MAPK4: variants seen among roughly 807,000 people sequenced by gnomAD.
The protein encoded by MAPK4 is Erk3-related.
MAPK4 carries 22 observed loss-of-function variants against 47.7 expected under a neutral mutation model. The ratio of observed to expected loss-of-function variants is 0.46; its 90% CI spans 0.33 to 0.66. The LOEUF is 0.66. Among genes scored for constraint, MAPK4 ranks in the 30% least tolerant of loss-of-function variants. The pLI is 0.02. For missense variants in MAPK4, 736 were observed against 831.7 expected, an observed-to-expected ratio of 0.88 and a Z score of 1.42; for synonymous variants, 390 against 365.7, an observed-to-expected ratio of 1.07 and a Z score of -0.76.
At chr18:50,652,347 C>T (rs570881503) in intron 1 of MAPK4, among the ~76,000 whole-genome samples, 2 of 152,306 alleles carry the variant, frequency 1.3e-5, no homozygotes, top group African/African-American at 4.8e-5. Context: ...AAAACCCCTG[C>T]AAATGATTAG....
intron 1 of MAPK4, among the ~76,000 whole-genome samples, chr18:50,636,263 A>G (rs11082834): frequency 0.15 from 23,434 of 151,932 alleles, 1,950 homozygotes; most frequent in Middle Eastern, 0.22. Context: ...GTAAGTTCTT[A>G]CCTCCATCTG....
chr18:50,600,419 GC>G (rs1376860982), intron 1 of MAPK4, among the ~76,000 whole-genome samples: 1 of 152,174 alleles, frequency 6.6e-6, no homozygotes, highest in Non-Finnish European at 1.5e-5. Context: ...CTCAGAAGGG[GC>G]ACATGGCCCC....
rs140825724 is a variant in MAPK4, at chr18:50,586,256, A to C, written c.-871+26013A>C. Reference sequence around the variant, plus strand: ...GACATTAGTTTGTCAAAGCTATGTGATTTGGCTAGCTCAACTTAGCTAAGA... The same window carrying C: ...GACATTAGTTTGTCAAAGCTATGTGCTTTGGCTAGCTCAACTTAGCTAAGA... On this transcript the variant is annotated intron_variant, in intron 1 of 5. Coordinates refer to ENST00000400384, the MANE Select transcript of MAPK4 (RefSeq NM_002747.4). Among the ~76,000 whole-genome samples, 3 of 152,290 alleles carry C rather than the reference A, an allele frequency of 2.0e-5. No homozygotes were observed. The East Asian group carries it at 5.8e-4, about 29-fold the overall frequency.
intron 1 of MAPK4, among the ~76,000 whole-genome samples, chr18:50,561,506 T>C (rs1422467495): frequency 6.6e-6 from 1 of 152,240 alleles, no homozygotes; most frequent in African/African-American, 2.4e-5. Context: ...GAGTACCTAC[T>C]ATGTTCAAGA....
intron 2 of MAPK4, among the ~76,000 whole-genome samples, chr18:50,711,588 C>G (rs943363285): frequency 3.3e-5 from 5 of 152,230 alleles, no homozygotes; most frequent in African/African-American, 1.2e-4. Context: ...GCCAAGTGTG[C>G]CTGCTGTCCT....
At position 50,654,519 on chromosome 18, in the gene MAPK4, T is replaced by C. The variant is rs191836967; in HGVS notation, c.-870-8570T>C. Among the ~76,000 whole-genome samples, 14 of 152,318 alleles carry C rather than the reference T, an allele frequency of 9.2e-5. No homozygotes were observed. In the East Asian group the frequency reaches 2.7e-3, roughly 29 times the overall value. Reference sequence around the variant, plus strand: ...CCACTGAAGTCATAATTGCACTGATTTAGATTTTGAAAGAGGCCACCATCT... The same window carrying C: ...CCACTGAAGTCATAATTGCACTGATCTAGATTTTGAAAGAGGCCACCATCT... On this transcript the variant is annotated intron_variant, in intron 1 of 5. Transcript: ENST00000400384.
chr18:50,677,852 C>T (rs1394320757), intron 2 of MAPK4, among the ~76,000 whole-genome samples: 1 of 152,146 alleles, frequency 6.6e-6, no homozygotes, highest in African/African-American at 2.4e-5. Context: ...CCTGCACCTC[C>T]CAGGTCTATA....
intron 1 of MAPK4, among the ~76,000 whole-genome samples, chr18:50,628,404 T>C (rs1818856191): frequency 1.3e-5 from 2 of 152,168 alleles, no homozygotes; most frequent in South Asian, 4.1e-4. Context: ...TCCCTTGAAA[T>C]CCTTGCAGGG....
intron 1 of MAPK4, among the ~76,000 whole-genome samples, chr18:50,601,759 A>G (rs2042543971): frequency 6.6e-6 from 1 of 152,170 alleles, no homozygotes; most frequent in Non-Finnish European, 1.5e-5. Context: ...ATAGGCTTTC[A>G]AGCCCTGGAA....
At chr18:50,726,592 G>T (rs1455518128) in intron 5 of MAPK4, among the ~76,000 whole-genome samples, 4 of 152,108 alleles carry the variant, frequency 2.6e-5, no homozygotes, top group African/African-American at 9.7e-5. Context: ...TTTCATGTTG[G>T]TAACTCTTAA....
chr18:50,638,691 G>A (rs538069243), intron 1 of MAPK4, among the ~76,000 whole-genome samples: 2 of 152,276 alleles, frequency 1.3e-5, no homozygotes, highest in South Asian at 2.1e-4. Flanking sequence ...GAGTCTTTTC[G>A]GAGAGAGATG....
chr18:50,701,383 A>AT (rs1438322551), intron 2 of MAPK4, among the ~76,000 whole-genome samples: 1 of 152,186 alleles, frequency 6.6e-6, no homozygotes, highest in African/African-American at 2.4e-5. Flanking sequence ...TTTGAGAGCA[A>AT]TCTGTTAGCA....
chr18:50,706,504 G>T (rs1295965515), intron 2 of MAPK4, among the ~76,000 whole-genome samples: 1 of 151,422 alleles, frequency 6.6e-6, no homozygotes, highest in African/African-American at 2.4e-5. Context: ...CCTGTAGCAG[G>T]TCTGAGAGCC....
At position 50,602,310 on chromosome 18, in the gene MAPK4, A is replaced by G. The variant is rs1207906665; in HGVS notation, c.-871+42067A>G. Among the ~76,000 whole-genome samples, 3 of 152,170 alleles carry G rather than the reference A, an allele frequency of 2.0e-5. No homozygotes were observed. The East Asian group carries it at 5.8e-4, about 29-fold the overall frequency. ...CCTTCGCCTCCTCACAACAAGGTCT[A>G]TTCAATAGCCTATGAAACTGATCCA... On this transcript the variant is annotated intron_variant, in intron 1 of 5. Coordinates refer to ENST00000400384, the MANE Select transcript of MAPK4 (RefSeq NM_002747.4).
At chr18:50,702,847 G>T (rs16952426) in intron 2 of MAPK4, among the ~76,000 whole-genome samples, 1 of 152,082 alleles carries the variant, frequency 6.6e-6, no homozygotes, top group Non-Finnish European at 1.5e-5. Flanking sequence ...AAACAGGGCC[G>T]GACCTACTGG....
chr18:50,656,620 AG>A (rs2043112458), intron 1 of MAPK4, among the ~76,000 whole-genome samples: 2 of 152,210 alleles, frequency 1.3e-5, no homozygotes, highest in South Asian at 4.1e-4. Flanking sequence ...CCTGAAAACC[AG>A]GATCACTGGG....
At chr18:50,612,842 T>C (rs1374250248) in intron 1 of MAPK4, among the ~76,000 whole-genome samples, 5 of 152,222 alleles carry the variant, frequency 3.3e-5, no homozygotes, top group Non-Finnish European at 7.3e-5. Context: ...GGTTCCCATC[T>C]TGAGTGATTT....
chr18:50,616,068 G>A (rs2042681812), intron 1 of MAPK4, among the ~76,000 whole-genome samples: 1 of 152,184 alleles, frequency 6.6e-6, no homozygotes, highest in Non-Finnish European at 1.5e-5. Context: ...TGTCACTTCA[G>A]GTGTCGGGGA....
intron 2 of MAPK4, among the ~76,000 whole-genome samples, chr18:50,668,465 C>G (rs540360024): frequency 6.6e-6 from 1 of 152,196 alleles, no homozygotes; most frequent in Non-Finnish European, 1.5e-5. Flanking sequence ...CAACTGGCCA[C>G]GTCGAGGTTT....
Sources: allele counts gnomAD v4.1 joint callset (sites outside exome capture counted in the v4.1 genomes callset), GRCh38; gene constraint gnomAD v4.1.1; transcripts MANE v1.5; gene names NCBI Gene and HGNC (gene_info 2026-07-23, HGNC 2026-07-21).